HSPG2: variants seen among roughly 807,000 people sequenced by gnomAD.
HSPG2 encodes the protein basement membrane-specific heparan sulfate proteoglycan core protein.
Under a neutral mutation model 526.6 loss-of-function variants are expected in HSPG2, and 278 were observed. That is an observed-to-expected ratio of 0.53 (90% CI 0.48 to 0.58). The LOEUF (loss-of-function observed/expected upper bound fraction) is 0.58. HSPG2 is among the 20% of genes least tolerant of loss of function. HSPG2 has a pLI of 0.00. For synonymous variants in HSPG2, 2,465 were observed against 2,555.4 expected, an observed-to-expected ratio of 0.96 and a Z score of 1.07; for missense variants, 5,354 against 6,099.5, an observed-to-expected ratio of 0.88 and a Z score of 4.07.
intron 78 of HSPG2, 82 bp downstream of exon 78, chr1:21,833,734 C>T: frequency 1.3e-6 from 2 of 1,538,892 alleles, no homozygotes; most frequent in Non-Finnish European, 1.8e-6. Context: ...CAAGCCTGTG[C>T]CACATCCTGG....
intron 14 of HSPG2, 75 bp from the exon 15 acceptor site, chr1:21,880,910 T>C: frequency 2.2e-6 from 3 of 1,387,924 alleles, no homozygotes; most frequent in Non-Finnish European, 3.0e-6. Context: ...GTGCCTATAG[T>C]CTTCCAGCTC....
In HSPG2 at chr1:21,872,245, C is replaced by A; in HGVS notation, c.4162G>T (p.Ala1388Ser). ...EGAQLSFGNFAQLGHESFYWQ... is the reference protein window; with the variant it reads ...EGAQLSFGNFSQLGHESFYWQ... ...TAGAAGGACTCATGGCCGAGTTGGGCAAAGTTGCCAAAAGAGAGCTGGGCA... is the reference window on the plus strand; with the variant it reads ...TAGAAGGACTCATGGCCGAGTTGGGAAAAGTTGCCAAAAGAGAGCTGGGCA... The change falls in exon 33 of 97, where the codon GCC becomes TCC. Residue 1388 changes from alanine (A) to serine (S), a missense_variant. Physicochemically the swap from Ala to Ser is moderately conservative, Grantham distance 99. Transcript: ENST00000374695. This position sits in a 1 kb window ranked among gnomAD's most constrained non-coding sequence, Gnocchi z 5.5. 1.3e-6 allele frequency: 2 copies of A among 1,553,156 alleles called. No homozygotes were observed. Among genetic ancestry groups the A allele is most frequent in the South Asian group, 2.4e-5 (2 of 84,112 alleles).
intron 1 of HSPG2, among the ~76,000 whole-genome samples, chr1:21,918,527 T>G (rs1049290690): frequency 1.3e-5 from 2 of 152,052 alleles, no homozygotes; most frequent in East Asian, 3.8e-4. Context: ...GGAGATTATT[T>G]GTACTTACTA....
At chr1:21,840,086 G>T in intron 71 of HSPG2, 69 bp from the exon 72 acceptor site, 1 of 1,363,588 alleles carries the variant, frequency 7.3e-7, no homozygotes, top group Non-Finnish European at 1.0e-6. Flanking sequence ...CCCAGCTCTG[G>T]CTTGGTCTTC....
intron 6 of HSPG2, chr1:21,888,655 C>A (rs781747002): frequency 6.6e-6 from 9 of 1,364,208 alleles, no homozygotes; most frequent in Non-Finnish European, 8.8e-6. Flanking sequence ...CTCGGCCTGG[C>A]TTACACTCTC....
intron 17 of HSPG2, 39 bp downstream of exon 17, chr1:21,880,068 T>C (rs566448970): frequency 4.2e-5 from 67 of 1,611,266 alleles, no homozygotes; most frequent in Middle Eastern, 3.3e-4. Context: ...TTGTCCCTTC[T>C]CCTATTTTAG....
At chr1:21,870,662 G>A (rs1381555031) in intron 33 of HSPG2, among the ~76,000 whole-genome samples, 1 of 152,212 alleles carries the variant, frequency 6.6e-6, no homozygotes, top group Non-Finnish European at 1.5e-5. Flanking sequence ...GTGAGGCAAG[G>A]TGAGGCACAT....
chr1:21,831,185 A>G, intron 84 of HSPG2, 30 bp downstream of exon 84: 2 of 1,602,476 alleles, frequency 1.2e-6, no homozygotes, highest in South Asian at 2.2e-5. Flanking sequence ...AGGCCACGGC[A>G]GCCAGGTGGT....
chr1:21,839,462 G>A lies in HSPG2; in HGVS notation c.9798C>T (p.Pro3266=). ...GGCCCGAGTCCTGCTGGGCTACCCG[G>A]GGTATGATGAGTGTGTCACCTTCCA... The part of the protein sequence containing the change: ...HRLEGDTLII[P]RVAQQDSGQY... The change falls in exon 73 of 97, where the codon CCC becomes CCT. Residue 3266 remains proline (P), a synonymous_variant. Coordinates refer to ENST00000374695, the MANE Select transcript of HSPG2 (RefSeq NM_005529.7). This position sits in a 1 kb window ranked among gnomAD's most constrained non-coding sequence, Gnocchi z 4.5. The A allele has an allele frequency of 6.2e-7, 1 of 1,614,126 alleles. No individual in the cohort carries two copies. Among genetic ancestry groups the A allele is most frequent in the Non-Finnish European group, 8.5e-7 (1 of 1,180,012 alleles).
chr1:21,916,879 A>G (rs1053143001), intron 1 of HSPG2, among the ~76,000 whole-genome samples: 2 of 152,226 alleles, frequency 1.3e-5, no homozygotes, highest in Non-Finnish European at 2.9e-5. Flanking sequence ...AGGTTTGCCA[A>G]GGCTGCACAG....
intron 76 of HSPG2, chr1:21,835,182 G>T (rs1320508409): frequency 9.5e-6 from 6 of 630,894 alleles, no homozygotes; most frequent in Non-Finnish European, 1.7e-5. Context: ...TGTATTCACA[G>T]GTGTGATCAC....
chr1:21,901,486 G>T (rs1427118228), intron 1 of HSPG2, among the ~76,000 whole-genome samples: 2 of 152,060 alleles, frequency 1.3e-5, no homozygotes, highest in Admixed American at 1.3e-4. Flanking sequence ...CTAGCAAGGG[G>T]TGGGCAATAG....
chr1:21,853,875 A>G (rs1639119267), intron 50 of HSPG2: 1 of 405,820 alleles, frequency 2.5e-6, no homozygotes, highest in Non-Finnish European at 4.6e-6. Context: ...CCCAAAAGTT[A>G]AAAGCTAGTT....
In HSPG2 at chr1:21,835,637, T is replaced by C. The variant is rs1169471003; in HGVS notation, c.10356A>G (p.Arg3452=). The C allele has an allele frequency of 6.2e-7, 1 of 1,609,850 alleles. No individual in the cohort carries two copies. Among genetic ancestry groups the C allele is most frequent in the South Asian group, 1.1e-5 (1 of 90,974 alleles). Residue 3452 remains arginine (R), a splice_region_variant and synonymous_variant, in exon 76 of 97, where the codon CGA becomes CGG. Coordinates refer to ENST00000374695, the MANE Select transcript of HSPG2 (RefSeq NM_005529.7). ...PGHSVQDGVL[R]IQNLDQSCQG... ...GGCAGCTCTGGTCCAAGTTCTGGAT[T>C]CTATAAAGAAAAAATAATAAGACAT...
Position 21,824,404 on chromosome 1 carries a change from G to T in HSPG2, c.12745-28C>A, listed in dbSNP as rs1052427636. The T allele has an allele frequency of 6.2e-7, 1 of 1,612,038 alleles. No homozygotes were observed. Among genetic ancestry groups the T allele is most frequent in the Middle Eastern group, 1.7e-4 (1 of 6,034 alleles). The stretch of plus-strand genomic sequence containing the variant: ...GCCAGGGAAGCACAGGGTCTCTGGG[G>T]TCCCCAGCCTGGAGAGCAGAGGCTG... On this transcript the variant is annotated intron_variant, in intron 93 of 96. Coordinates refer to ENST00000374695, the MANE Select transcript of HSPG2 (RefSeq NM_005529.7). The surrounding 1 kb of genome is among the most constrained non-coding windows in gnomAD (Gnocchi z 5.9).
chr1:21,884,541 G>C lies in HSPG2; in HGVS notation c.1641C>G (p.Pro547=). The C allele has an allele frequency of 1.9e-6, 3 of 1,611,238 alleles. No homozygotes were observed. The highest frequency in any genetic ancestry group is 2.5e-6 in the Non-Finnish European group (3 of 1,179,912). Residue 547 remains proline, a synonymous_variant, in exon 13 of 97, where the codon CCC becomes CCG. Coordinates refer to ENST00000374695, the MANE Select transcript of HSPG2 (RefSeq NM_005529.7). ...CCGCCAACGCACCCTTGAAGTCATCGGGTTGGTCAAAGCGCAGCCTGATCT... is the reference window on the plus strand; with the variant it reads ...CCGCCAACGCACCCTTGAAGTCATCCGGTTGGTCAAAGCGCAGCCTGATCT... ...RDQIRLRFDQ[P]DDFKGVNVTM...
At chr1:21,888,372 A>G (rs1348306886) in intron 6 of HSPG2, among the ~76,000 whole-genome samples, 1 of 152,270 alleles carries the variant, frequency 6.6e-6, no homozygotes, top group Non-Finnish European at 1.5e-5. Flanking sequence ...ACAAAGAAGG[A>G]GGGGAGAAGG....
chr1:21,875,509 G>T, intron 25 of HSPG2, 120 bp downstream of exon 25: 2 of 796,662 alleles, frequency 2.5e-6, no homozygotes, highest in South Asian at 1.4e-5. Context: ...CCGTTTTACA[G>T]ACAGGGAAAG....
intron 22 of HSPG2, 36 bp from the exon 23 acceptor site, chr1:21,876,441 G>A (rs374129464): frequency 1.2e-4 from 192 of 1,611,528 alleles, no homozygotes; most frequent in Non-Finnish European, 7.9e-5. Context: ...TGGGGGCCGT[G>A]GCCTGGGACT....
Sources: allele counts gnomAD v4.1 joint callset (sites outside exome capture counted in the v4.1 genomes callset), GRCh38; gene constraint gnomAD v4.1.1; non-coding constraint Gnocchi (gnomAD v3.1); transcripts MANE v1.5; gene names NCBI Gene and HGNC (gene_info 2026-07-23, HGNC 2026-07-21).